Variants in CHMP2A observed in about 807,000 individuals in gnomAD.
The protein encoded by CHMP2A is VPS2 homolog A.
CHMP2A carries 6 observed loss-of-function variants against 21.8 expected under a neutral mutation model. The observed-to-expected ratio is 0.28, with a 90% confidence interval of 0.15 to 0.54. CHMP2A has a LOEUF of 0.54. Ranked by LOEUF, CHMP2A falls within the 20% of genes least tolerant of loss-of-function variation. The probability of loss-of-function intolerance (pLI) is 0.95; values close to 1 mark genes in which losing one functional copy is unlikely to be tolerated. For synonymous variants in CHMP2A, 125 were observed against 107.0 expected (o/e 1.17, Z -1.04); for missense variants, 303 against 293.9 (o/e 1.03, Z -0.23).
In CHMP2A at chr19:58,552,383, T is replaced by C. The variant is rs758208886; in HGVS notation, c.224A>G (p.Lys75Arg). ...DLVRTRRYVRKFVLMRANIQA... is the reference protein window; with the variant it reads ...DLVRTRRYVRRFVLMRANIQA... The stretch of plus-strand genomic sequence containing the variant: ...GATGTTGGCCCGCATCAATACAAAC[T>C]TGCGCACATAGCGCCGGGTGCGCAC... The change falls in exon 3 of 6, where the codon AAG (lysine) becomes AGG (arginine). Residue 75 changes from lysine (K) to arginine (R), a missense_variant. Lys to Arg is a conservative substitution (Grantham distance 26). Transcript: ENST00000312547. 6.2e-7 allele frequency: 1 copy of C among 1,614,210 alleles called. No individual in the cohort carries two copies. The highest frequency in any genetic ancestry group is 1.7e-5 in the Admixed American group (1 of 60,032).
chr19:58,552,265 G>A lies in CHMP2A; in HGVS notation c.342C>T (p.Asn114=), dbSNP rs777469227. The A allele has an allele frequency of 1.2e-6, 2 of 1,614,206 alleles. No individual in the cohort carries two copies. Among genetic ancestry groups the A allele is most frequent in the Non-Finnish European group, 1.7e-6 (2 of 1,180,026 alleles). Residue 114 remains asparagine, a synonymous_variant, in exon 3 of 6, where the codon AAC becomes AAT. Coordinates refer to ENST00000312547, the MANE Select transcript of CHMP2A (RefSeq NM_014453.4). Reference sequence around the variant, plus strand: ...GGGATTGGGAAAAGCGCACCTGTCTGTTCATGGTGCCCATGGCCTTGGTGA... The same window carrying A: ...GGGATTGGGAAAAGCGCACCTGTCTATTCATGGTGCCCATGGCCTTGGTGA... ...KGVTKAMGTM[N]RQLKLPQIQK...
chr19:58,551,974 A>G lies in CHMP2A; in HGVS notation c.480-7T>C. ...CTGGGACACCACAGCATCACTAGGG[A>G]AGAGAGAGAACTCAGTGAGGGCTAT... is the stretch of plus-strand genomic sequence containing the variant. On this transcript the variant is annotated splice_region_variant and splice_polypyrimidine_tract_variant and intron_variant, in intron 4 of 5. Coordinates refer to ENST00000312547, the MANE Select transcript of CHMP2A (RefSeq NM_014453.4). 3 of 1,614,106 alleles carry G rather than the reference A, an allele frequency of 1.9e-6. No individual in the cohort carries two copies. The highest frequency in any genetic ancestry group is 2.5e-6 in the Non-Finnish European group (3 of 1,180,000).
rs910802150 is a variant in CHMP2A at position 58,553,959 on chromosome 19, C to T, written c.168+86G>A. 5.2e-6 allele frequency: 8 copies of T among 1,552,626 alleles called. No individual in the cohort carries two copies. In the African/African-American group the frequency reaches 6.8e-5, roughly 13 times the overall value. ...CACTCCACTCGTTTTGCTGAAAGCA[C>T]CTGTGTTTGGTGTCTGGTCTCTCTT... On this transcript the variant is annotated intron_variant, in intron 2 of 5. Coordinates refer to ENST00000312547, the MANE Select transcript of CHMP2A (RefSeq NM_014453.4).
At chr19:58,553,925 C>G in intron 2 of CHMP2A, 120 bp downstream of exon 2, 1 of 1,328,642 alleles carries the variant, frequency 7.5e-7, no homozygotes, top group Non-Finnish European at 1.1e-6. Context: ...GGAAGCCCTG[C>G]TGACCTTTCA....
intron 2 of CHMP2A, 89 bp downstream of exon 2, chr19:58,553,956 G>A: frequency 2.6e-6 from 4 of 1,539,820 alleles, no homozygotes; most frequent in South Asian, 1.1e-5. Context: ...TTTGCTGAAA[G>A]CACCTGTGTT....
Position 58,551,660 on chromosome 19 carries a change from G to T in CHMP2A, c.658C>A (p.Arg220=). The part of the protein sequence containing the change: ...ADLEERLKNL[R]RD ...AGTGGCAGGGGCACTCAGTCCCTCC[G>T]CAGGTTCTTAAGCCGTTCCTCCAGG... The change falls in exon 6 of 6, where the codon CGG becomes AGG. Residue 220 remains arginine (R), a synonymous_variant. Transcript: ENST00000312547. 6.2e-7 allele frequency: 1 copy of T among 1,613,638 alleles called. No homozygotes were observed. The highest frequency in any genetic ancestry group is 8.5e-7 in the Non-Finnish European group (1 of 1,179,886).
At chr19:58,553,821 A>G (rs2053860584) in intron 2 of CHMP2A, 2 of 591,370 alleles carry the variant, frequency 3.4e-6, no homozygotes, top group Non-Finnish European at 6.0e-6. Flanking sequence ...TGCTTAACAC[A>G]TTCCCTGCCC....
rs763733145 is a variant in CHMP2A at position 58,552,386 on chromosome 19, C to A, written c.221G>T (p.Arg74Leu). 1.9e-6 allele frequency: 3 copies of A among 1,614,202 alleles called. No individual in the cohort carries two copies. The highest frequency in any genetic ancestry group is 2.2e-5 in the East Asian group (1 of 44,886). ...GTTGGCCCGCATCAATACAAACTTG[C>A]GCACATAGCGCCGGGTGCGCACCAA... is the stretch of plus-strand genomic sequence containing the variant. ...KDLVRTRRYV[R>L]KFVLMRANIQ... Residue 74 changes from arginine to leucine, a missense_variant, in exon 3 of 6, where the codon CGC (arginine) becomes CTC (leucine). Coordinates refer to ENST00000312547, the MANE Select transcript of CHMP2A (RefSeq NM_014453.4).
chr19:58,551,831 T>C (rs763727595), intron 5 of CHMP2A, 55 bp from the exon 6 acceptor site: 5 of 1,613,726 alleles, frequency 3.1e-6, no homozygotes, highest in East Asian at 2.2e-5. Flanking sequence ...AGGGGAGTAA[T>C]GCAGGGAAAG....
Position 58,551,718 on chromosome 19 carries a change from G to A in CHMP2A, c.600C>T (p.Ala200=), listed in dbSNP as rs377027309. The A allele has an allele frequency of 1.4e-5, 22 of 1,613,982 alleles. No homozygotes were observed. Among genetic ancestry groups the A allele is most frequent in the East Asian group, 4.5e-5 (2 of 44,896 alleles). ...CAGCATCAGCTAGGGCTGAGGCTGCGGCCTCTGCTTTTTTCCCACCAGCAG... is the reference window on the plus strand; with the variant it reads ...CAGCATCAGCTAGGGCTGAGGCTGCAGCCTCTGCTTTTTTCCCACCAGCAG... ...SVAAGGKKAE[A]AASALADADA... is the part of the protein sequence containing the mutation. Residue 200 remains alanine (A), a synonymous_variant, in exon 6 of 6, where the codon GCC becomes GCT. Transcript: ENST00000312547.
chr19:58,552,371 A>G lies in CHMP2A; in HGVS notation c.236T>C (p.Met79Thr). The change falls in exon 3 of 6, where the codon ATG becomes ACG. Residue 79 changes from methionine (M) to threonine (T), a missense_variant. Coordinates refer to ENST00000312547, the MANE Select transcript of CHMP2A (RefSeq NM_014453.4). ...TRRYVRKFVL[M>T]RANIQAVSLK... The stretch of plus-strand genomic sequence containing the variant: ...GGACACAGCCTGGATGTTGGCCCGC[A>G]TCAATACAAACTTGCGCACATAGCG... The G allele has an allele frequency of 1.9e-6, 3 of 1,614,228 alleles. No homozygotes were observed. Among genetic ancestry groups the G allele is most frequent in the Non-Finnish European group, 2.5e-6 (3 of 1,180,048 alleles).
intron 2 of CHMP2A, among the ~76,000 whole-genome samples, chr19:58,553,140 CTG>C (rs945060236): frequency 9.2e-5 from 14 of 151,506 alleles, no homozygotes; most frequent in Non-Finnish European, 1.5e-4. Flanking sequence ...TCACTGCAAA[CTG>C]TGCCTCCCGG....
chr19:58,552,344 A>G lies in CHMP2A; in HGVS notation c.263T>C (p.Leu88Pro). The G allele has an allele frequency of 6.2e-7, 1 of 1,614,160 alleles. No homozygotes were observed. Among genetic ancestry groups the G allele is most frequent in the Non-Finnish European group, 8.5e-7 (1 of 1,180,038 alleles). ...LMRANIQAVSLKIQTLKSNNS... is the reference protein window; with the variant it reads ...LMRANIQAVSPKIQTLKSNNS... ...GTTGGACTTGAGTGTCTGGATCTTG[A>G]GGGACACAGCCTGGATGTTGGCCCG... The change falls in exon 3 of 6, where the codon CTC becomes CCC. Residue 88 changes from leucine (L) to proline (P), a missense_variant. Transcript: ENST00000312547.
At chr19:58,553,089 G>C (rs1212476017) in intron 2 of CHMP2A, among the ~76,000 whole-genome samples, 2 of 142,608 alleles carry the variant, frequency 1.4e-5, no homozygotes, top group Non-Finnish European at 3.0e-5. Flanking sequence ...TTGGAGTCTT[G>C]CTTTGTTGCC....
Position 58,554,197 on chromosome 19 carries a change from C to T in CHMP2A, c.16G>A (p.Gly6Arg), listed in dbSNP as rs1166533738. 3 of 1,613,304 alleles carry T rather than the reference C, an allele frequency of 1.9e-6. No homozygotes were observed. Among genetic ancestry groups the T allele is most frequent in the Admixed American group, 1.7e-5 (1 of 59,972 alleles). Reference protein sequence around the residue: MDLLFGRRKTPEELLR... With the variant: MDLLFRRRKTPEELLR... ...AGCTCCTCTGGCGTCTTCCGGCGCCCGAACAATAGGTCCATGATGGTAGAA... is the reference window on the plus strand; with the variant it reads ...AGCTCCTCTGGCGTCTTCCGGCGCCTGAACAATAGGTCCATGATGGTAGAA... The change falls in exon 2 of 6, where the codon GGG (glycine) becomes AGG (arginine). Residue 6 changes from glycine to arginine, a missense_variant. Gly to Arg is a moderately radical substitution (Grantham distance 125). Transcript: ENST00000312547.
intron 2 of CHMP2A, 108 bp downstream of exon 2, chr19:58,553,937 T>G (rs982023881): frequency 2.5e-5 from 36 of 1,434,546 alleles, no homozygotes; most frequent in Non-Finnish European, 3.3e-5. Context: ...GACCTTTCAC[T>G]CCACTCGTTT....
At position 58,551,705 on chromosome 19, in the gene CHMP2A, G is replaced by A; in HGVS notation, c.613C>T (p.Leu205=). Residue 205 remains leucine (L), a synonymous_variant, in exon 6 of 6, where the codon CTA becomes TTA. Coordinates refer to ENST00000312547, the MANE Select transcript of CHMP2A (RefSeq NM_014453.4). ...TCCAGGTCTGCATCAGCATCAGCTAGGGCTGAGGCTGCGGCCTCTGCTTTT... is the reference window on the plus strand; with the variant it reads ...TCCAGGTCTGCATCAGCATCAGCTAAGGCTGAGGCTGCGGCCTCTGCTTTT... ...GKKAEAAASA[L]ADADADLEER... 1 of 1,614,138 alleles carries A rather than the reference G, an allele frequency of 6.2e-7. No homozygotes were observed. Among genetic ancestry groups the A allele is most frequent in the South Asian group, 1.1e-5 (1 of 91,082 alleles).
Position 58,554,147 on chromosome 19 carries a change from C to G in CHMP2A, c.66G>C (p.Leu22=). 1.9e-6 allele frequency: 3 copies of G among 1,614,166 alleles called. No individual in the cohort carries two copies. In the East Asian group the frequency reaches 6.7e-5, roughly 36 times the overall value. The part of the protein sequence containing the change: ...EELLRQNQRA[L]NRAMRELDRE... ...GGTCCAGCTCCCGCATGGCACGGTT[C>G]AGGGCCCTCTGGTTCTGCCGCAGTA... The change falls in exon 2 of 6, where the codon CTG becomes CTC. Residue 22 remains leucine (L), a synonymous_variant. Transcript: ENST00000312547.
intron 2 of CHMP2A, chr19:58,553,656 T>C: frequency 3.6e-6 from 1 of 280,064 alleles, no homozygotes; most frequent in Non-Finnish European, 6.9e-6. Context: ...TACAGGTCTC[T>C]GAGCTACTGC....
Sources: gnomAD v4.1 joint callset for allele counts (sites outside exome capture counted in the v4.1 genomes callset) on GRCh38, gnomAD v4.1.1 for gene constraint, MANE v1.5 for transcripts, NCBI Gene and HGNC (gene_info 2026-07-23, HGNC 2026-07-21) for gene names.